The following NPHP4 variants were observed in gnomAD, a reference collection of about 807,000 sequenced individuals.
The protein encoded by NPHP4 is nephrocystin-4.
Under a neutral mutation model 155.8 loss-of-function variants are expected in NPHP4, and 151 were observed. The observed-to-expected ratio is 0.97, with a 90% confidence interval of 0.85 to 1.11. The LOEUF (loss-of-function observed/expected upper bound fraction) is 1.11. Among genes scored for constraint, NPHP4 ranks in the 50% least tolerant of loss-of-function variants. The pLI, the probability that NPHP4 is intolerant of heterozygous loss-of-function variation, is 0.00. For synonymous variants in NPHP4, 845 were observed against 816.8 expected (o/e 1.03, Z -0.59); for missense variants, 1,956 against 1,925.7 (o/e 1.02, Z -0.29).
At chr1:5,896,954 C>T (rs1024349103) in intron 16 of NPHP4, among the ~76,000 whole-genome samples, 4 of 152,166 alleles carry the variant, frequency 2.6e-5, no homozygotes, top group African/African-American at 9.7e-5. Flanking sequence ...CGCAGCCACG[C>T]TCCAAAGACA....
At chr1:5,966,115 C>T (rs115188646) in intron 5 of NPHP4, among the ~76,000 whole-genome samples, 46 of 152,306 alleles carry the variant, frequency 3.0e-4, no homozygotes, top group Non-Finnish European at 4.3e-4. Context: ...AGGCCACCTG[C>T]AGGCTGCAGC....
At chr1:5,979,333 G>A (rs976759755) in intron 2 of NPHP4, among the ~76,000 whole-genome samples, 1 of 152,004 alleles carries the variant, frequency 6.6e-6, no homozygotes, top group African/African-American at 2.4e-5. Flanking sequence ...GAGGTGGGTG[G>A]GGCGGGGCAG....
intron 16 of NPHP4, among the ~76,000 whole-genome samples, chr1:5,900,153 G>A (rs1644598809): frequency 6.6e-6 from 1 of 152,168 alleles, no homozygotes; most frequent in African/African-American, 2.4e-5. Context: ...ACAGTATGGT[G>A]ACTCCTAACA....
At position 5,905,643 on chromosome 1, in the gene NPHP4, G is replaced by A. The variant is rs1443618180; in HGVS notation, c.1752C>T (p.Thr584=). The change falls in exon 14 of 30, where the codon ACC becomes ACT. Residue 584 remains threonine (T), a synonymous_variant. Coordinates refer to ENST00000378156, the MANE Select transcript of NPHP4 (RefSeq NM_015102.5). The surrounding 1 kb of genome is among the most constrained non-coding windows in gnomAD (Gnocchi z 4.0). ...GACCCACACCTCACCTCCTGGTCTG[G>A]GTTCCCACAACAATAGGGGCATGCA... ...TPLHAPIVVG[T]QTRSSAGQPS... 1.2e-6 allele frequency: 2 copies of A among 1,613,912 alleles called. No individual in the cohort carries two copies. Among genetic ancestry groups the A allele is most frequent in the African/African-American group, 1.3e-5 (1 of 75,036 alleles).
intron 9 of NPHP4, 131 bp from the exon 10 acceptor site, chr1:5,933,460 G>A (rs1372325032): frequency 4.2e-6 from 3 of 722,296 alleles, no homozygotes; most frequent in Non-Finnish European, 2.4e-6. Flanking sequence ...ATCATCAGTT[G>A]CATTTTATAA....
chr1:5,940,706 AAAATT>A (rs1238496359), intron 9 of NPHP4, among the ~76,000 whole-genome samples: 3 of 152,248 alleles, frequency 2.0e-5, no homozygotes, highest in Non-Finnish European at 4.4e-5. Context: ...AGCAGCACAA[AAAATT>A]AAATACCCAT....
intron 6 of NPHP4, among the ~76,000 whole-genome samples, chr1:5,954,650 A>T (rs1648835570): frequency 1.3e-5 from 2 of 152,230 alleles, no homozygotes; most frequent in Non-Finnish European, 2.9e-5. Context: ...CACATGCAGA[A>T]GAATGAGATG....
chr1:5,934,205 C>T (rs956870634), intron 9 of NPHP4, among the ~76,000 whole-genome samples: 16 of 152,150 alleles, frequency 1.1e-4, no homozygotes, highest in African/African-American at 3.9e-4. Context: ...ATCCTGCAGG[C>T]TCCCCTGGTG....
At chr1:5,936,803 T>C (rs1338725273) in intron 9 of NPHP4, among the ~76,000 whole-genome samples, 1 of 152,082 alleles carries the variant, frequency 6.6e-6, no homozygotes, top group African/African-American at 2.4e-5. Context: ...AAAAAGATGC[T>C]CTCAGCCTAA....
chr1:5,895,558 T>C (rs929149409), intron 16 of NPHP4, among the ~76,000 whole-genome samples: 1 of 152,176 alleles, frequency 6.6e-6, no homozygotes, highest in Non-Finnish European at 1.5e-5. Context: ...TTCACATCTA[T>C]GGGACTGTAA....
chr1:5,906,189 G>C (rs547302488), intron 13 of NPHP4, among the ~76,000 whole-genome samples: 2 of 152,366 alleles, frequency 1.3e-5, no homozygotes, highest in East Asian at 1.9e-4. Context: ...AGAACAGAAA[G>C]ATGAAGCTTC....
chr1:5,976,678 A>G lies in NPHP4; in HGVS notation c.279+1592T>C, dbSNP rs148610718. Reference sequence around the variant, plus strand: ...CAACCTTAATGTCAGACACATCCTTAGCTGTCCAGACATACACTCTAGCAA... The same window carrying G: ...CAACCTTAATGTCAGACACATCCTTGGCTGTCCAGACATACACTCTAGCAA... On this transcript the variant is annotated intron_variant, in intron 3 of 29. Coordinates refer to ENST00000378156, the MANE Select transcript of NPHP4 (RefSeq NM_015102.5). 1.0e-3 allele frequency among the ~76,000 whole-genome samples: 153 copies of G among 152,312 alleles called. 2 individuals are homozygous for G. In the East Asian group the frequency reaches 0.024, roughly 24 times the overall value.
chr1:5,963,685 TTTTC>T (rs1351072863), intron 5 of NPHP4, among the ~76,000 whole-genome samples: 2 of 109,036 alleles, frequency 1.8e-5, no homozygotes, highest in African/African-American at 3.3e-5. Flanking sequence ...CAACCTTTTC[TTTTC>T]TTTTTTTTTT....
chr1:5,886,107 T>C (rs972583190), intron 18 of NPHP4, among the ~76,000 whole-genome samples: 1 of 152,216 alleles, frequency 6.6e-6, no homozygotes, highest in African/African-American at 2.4e-5. Context: ...GGCTGGAGAA[T>C]TAAATATAAA....
intron 16 of NPHP4, among the ~76,000 whole-genome samples, chr1:5,895,652 G>A (rs1192485217): frequency 2.0e-5 from 3 of 152,214 alleles, no homozygotes; most frequent in African/African-American, 4.8e-5. Flanking sequence ...CCCGGGCAGC[G>A]GCACCCGAGA....
At position 5,905,759 on chromosome 1, in the gene NPHP4, T is replaced by C. The variant is rs1405603122; in HGVS notation, c.1636A>G (p.Ile546Val). 6.2e-7 allele frequency: 1 copy of C among 1,611,174 alleles called. No homozygotes were observed. ...CTCAGGTCGGCTTCCAGGTGGGAGA[T>C]ACCGGCCTCCAACGGGAACTCCTGC... ...QAQEFPLEAG[I>V]SHLEADLSQT... The change falls in exon 14 of 30, where the codon ATC becomes GTC. Residue 546 changes from isoleucine to valine, a missense_variant. Coordinates refer to ENST00000378156, the MANE Select transcript of NPHP4 (RefSeq NM_015102.5). This position sits in a 1 kb window ranked among gnomAD's most constrained non-coding sequence, Gnocchi z 4.0.
chr1:5,947,263 G>A, intron 8 of NPHP4, 33 bp from the exon 9 acceptor site: 1 of 1,608,528 alleles, frequency 6.2e-7, no homozygotes, highest in South Asian at 1.1e-5. Context: ...GGACACATTA[G>A]AGCTCGAGCT....
intron 11 of NPHP4, among the ~76,000 whole-genome samples, chr1:5,913,194 C>T (rs543755381): frequency 3.3e-5 from 5 of 151,160 alleles, no homozygotes; most frequent in African/African-American, 9.7e-5. Flanking sequence ...AGCTCTTCCA[C>T]GGCTGCTCCA....
chr1:5,951,555 G>T (rs1033291530), intron 7 of NPHP4, among the ~76,000 whole-genome samples: 1 of 152,190 alleles, frequency 6.6e-6, no homozygotes, highest in Non-Finnish European at 1.5e-5. Flanking sequence ...GCGCAGGCAA[G>T]GGGGCTGAGC....
Sources: gnomAD v4.1 joint callset for allele counts (sites outside exome capture counted in the v4.1 genomes callset) on GRCh38, gnomAD v4.1.1 for gene constraint, Gnocchi (gnomAD v3.1) non-coding constraint, MANE v1.5 for transcripts, NCBI Gene and HGNC (gene_info 2026-07-23, HGNC 2026-07-21) for gene names.